CCNL2: variants seen among roughly 807,000 people sequenced by gnomAD.
CCNL2 encodes cyclin L2.
In CCNL2, 28 loss-of-function variants were observed where a neutral mutation model predicts 59.1. The observed-to-expected ratio is 0.47, with a 90% CI of 0.35 to 0.65. The LOEUF (loss-of-function observed/expected upper bound fraction) is 0.65, where lower values mean the gene tolerates loss of function less well. Among genes scored for constraint, CCNL2 ranks in the 30% least tolerant of loss-of-function variants. The pLI, the probability that CCNL2 is intolerant of heterozygous loss-of-function variation, is 0.00. For synonymous variants in CCNL2, 342 were observed against 288.6 expected (o/e 1.19, Z -1.88); for missense variants, 714 against 717.4 (o/e 1.00, Z 0.05).
Position 1,399,141 on chromosome 1 carries a change from C to G in CCNL2, c.166G>C (p.Asp56His). Reference protein sequence around the residue: ...LITLENCLLPDDKLRFTPSMS... With the variant: ...LITLENCLLPHDKLRFTPSMS... The stretch of plus-strand genomic sequence containing the variant: ...GACGGCGTGAAACGGAGCTTGTCGT[C>G]AGGCAGGAGGCAGTTCTCCAAGGTG... Residue 56 changes from aspartate (D) to histidine (H), a missense_variant, in exon 1 of 11, where the codon GAC becomes CAC. Asp to His is a moderately conservative substitution (Grantham distance 81). Coordinates refer to ENST00000400809, the MANE Select transcript of CCNL2 (RefSeq NM_030937.6). 6.2e-7 allele frequency: 1 copy of G among 1,612,350 alleles called. No homozygotes were observed. Among genetic ancestry groups the G allele is most frequent in the Non-Finnish European group, 8.5e-7 (1 of 1,179,546 alleles).
At chr1:1,390,930 T>C (rs1644731335) in intron 5 of CCNL2, 65 bp from the exon 6 acceptor site, 2 of 1,336,030 alleles carry the variant, frequency 1.5e-6, no homozygotes, top group South Asian at 1.2e-5. Flanking sequence ...CCGCCTGCAT[T>C]ATCTAGAGAA....
Position 1,390,825 on chromosome 1 carries a change from G to T in CCNL2, c.700C>A (p.Arg234=). The T allele has an allele frequency of 6.2e-7, 1 of 1,614,122 alleles. No homozygotes were observed. Among genetic ancestry groups the T allele is most frequent in the South Asian group, 1.1e-5 (1 of 91,082 alleles). The change falls in exon 6 of 11, where the codon CGG becomes AGG. Residue 234 remains arginine (R), a synonymous_variant. Transcript: ENST00000400809. The stretch of plus-strand genomic sequence containing the variant: ...CAGGCGATGCTCTCTGGCTGGAACC[G>T]CACGAAGACGTCGGTGCGAAGGCTG... The part of the protein sequence containing the change: ...NDSLRTDVFV[R]FQPESIACAC...
rs762494947 is a variant in CCNL2 at position 1,390,298 on chromosome 1, C to T, written c.938G>A (p.Arg313Gln). ...HAIEEAKAQA[R>Q]GLLPGGTQVL... ...CTGTGTGCCCCCAGGCAACAGGCCC[C>T]GGGCTTGGGCCTTTGCCTCTTCGAT... Residue 313 changes from arginine to glutamine, a missense_variant, in exon 8 of 11, where the codon CGG (arginine) becomes CAG (glutamine). By Grantham distance (43) the Arg-to-Gln change is conservative. This residue lies in a region of CCNL2 where 403 missense variants were observed against 377.7 expected (regional missense o/e 1.07). Transcript: ENST00000400809. 23 of 1,613,750 alleles carry T rather than the reference C, an allele frequency of 1.4e-5. No individual in the cohort carries two copies. Among genetic ancestry groups the T allele is most frequent in the African/African-American group, 9.3e-5 (7 of 74,886 alleles).
intron 4 of CCNL2, among the ~76,000 whole-genome samples, chr1:1,394,700 A>G (rs1380801965): frequency 6.8e-6 from 1 of 148,098 alleles, no homozygotes; most frequent in African/African-American, 2.5e-5. Flanking sequence ...CAGTGAGCCA[A>G]GATTGCACCA....
In CCNL2 at chr1:1,388,056, G is replaced by C; in HGVS notation, c.1016C>G (p.Pro339Arg). The C allele has an allele frequency of 3.1e-6, 5 of 1,613,064 alleles. No individual in the cohort carries two copies. Among genetic ancestry groups the C allele is most frequent in the Non-Finnish European group, 4.2e-6 (5 of 1,179,304 alleles). The change falls in exon 9 of 11, where the codon CCC becomes CGC. Residue 339 changes from proline to arginine, a missense_variant. Around this residue, in one of 5 missense-constraint regions of CCNL2, gnomAD observed 403 missense variants for 377.7 expected, o/e 1.07. Transcript: ENST00000400809. Reference sequence around the variant, plus strand: ...AGGCTTGCTCCCTTTACCTTCTTTGGGGGATTCCACTAGAATCAGAACAAG... The same window carrying C: ...AGGCTTGCTCCCTTTACCTTCTTTGCGGGATTCCACTAGAATCAGAACAAG... ...FSPAPKLVES[P>R]KEGKGSKPSP... is the part of the protein sequence containing the mutation.
At chr1:1,396,775 G>A (rs1645056723) in intron 3 of CCNL2, among the ~76,000 whole-genome samples, 1 of 146,574 alleles carries the variant, frequency 6.8e-6, no homozygotes, top group Non-Finnish European at 1.5e-5. Context: ...TTGAGACGGA[G>A]TCTTGCTCTG....
chr1:1,397,492 G>A (rs535034770), intron 3 of CCNL2, among the ~76,000 whole-genome samples: 6 of 152,148 alleles, frequency 3.9e-5, no homozygotes, highest in African/African-American at 1.4e-4. Flanking sequence ...TCTAAGGTGG[G>A]GTACTCCTGT....
At chr1:1,390,664 G>A in intron 6 of CCNL2, 101 bp from the exon 7 acceptor site, 3 of 1,473,046 alleles carry the variant, frequency 2.0e-6, no homozygotes, top group Non-Finnish European at 2.8e-6. Flanking sequence ...AAAATGCTTT[G>A]GCCCAGATTA....
intron 4 of CCNL2, 86 bp downstream of exon 4, chr1:1,395,308 G>A: frequency 3.3e-6 from 5 of 1,497,176 alleles, no homozygotes; most frequent in Non-Finnish European, 3.7e-6. Context: ...CCTCTTCAGA[G>A]CCTTCAACTG....
At chr1:1,388,845 G>T (rs572900532) in intron 8 of CCNL2, 2 of 383,240 alleles carry the variant, frequency 5.2e-6, no homozygotes, top group Admixed American at 8.0e-5. Context: ...GGAGGCCAAG[G>T]CGGGCAGATC....
At chr1:1,392,734 C>G in intron 5 of CCNL2, 2 of 1,601,358 alleles carry the variant, frequency 1.2e-6, no homozygotes, top group Non-Finnish European at 1.7e-6. Flanking sequence ...GCTGAAGATG[C>G]CGCTGTCCCT....
rs183331260 is a variant in CCNL2 at position 1,395,470 on chromosome 1, T to C, written c.518A>G (p.Lys173Arg). 1 of 1,614,162 alleles carries C rather than the reference T, an allele frequency of 6.2e-7. No homozygotes were observed. The highest frequency in any genetic ancestry group is 2.2e-5 in the East Asian group (1 of 44,886). The change falls in exon 4 of 11, where the codon AAG becomes AGG. Residue 173 changes from lysine (K) to arginine (R), a missense_variant. Lys to Arg is a conservative substitution (Grantham distance 26). This residue lies in a region of CCNL2 where 270 missense variants were observed against 254.9 expected (regional missense o/e 1.06). Transcript: ENST00000400809. ...TCTTTCCGCCTTTATAATTTGGTTCTTTAAATTAACATAATCTTGATCCAG... is the reference window on the plus strand; with the variant it reads ...TCTTTCCGCCTTTATAATTTGGTTCCTTAAATTAACATAATCTTGATCCAG... ...LLLDQDYVNL[K>R]NQIIKAERRV...
intron 1 of CCNL2, 104 bp downstream of exon 1, chr1:1,398,915 G>T: frequency 1.4e-6 from 2 of 1,448,666 alleles, no homozygotes; most frequent in East Asian, 2.5e-5. Context: ...CAGGGGCTGG[G>T]GTCGGGGTCT....
chr1:1,393,278 G>A (rs563528441), intron 5 of CCNL2, 118 bp downstream of exon 5: 15 of 812,302 alleles, frequency 1.8e-5, no homozygotes, highest in East Asian at 9.9e-5. Context: ...CTGGGCACTC[G>A]GACAACTCCA....
At chr1:1,392,170 AAC>A in intron 5 of CCNL2, 1 of 369,980 alleles carries the variant, frequency 2.7e-6, no homozygotes, top group East Asian at 1.6e-4. Flanking sequence ...GCACAGCTCT[AAC>A]ACAGATACAT....
chr1:1,386,489 C>T lies in CCNL2; in HGVS notation c.*742G>A, dbSNP rs574253925. ...ACCACCTACCACGTCCATAACGCTC[C>T]GGATGTCCTGAGTGGAGAGAGTTGT... is the stretch of plus-strand genomic sequence containing the variant. On this transcript the variant is annotated 3_prime_UTR_variant, in exon 11 of 11. Coordinates refer to ENST00000400809, the MANE Select transcript of CCNL2 (RefSeq NM_030937.6). 3.3e-5 allele frequency: 5 copies of T among 152,754 alleles called. No homozygotes were observed. The South Asian group carries it at 6.2e-4, about 19-fold the overall frequency. The allele number at this position is 152,754 out of a possible 1,614,324, so 9.5% of individuals were successfully genotyped here.
intron 3 of CCNL2, among the ~76,000 whole-genome samples, chr1:1,398,000 C>T (rs934667897): frequency 1.3e-5 from 2 of 152,188 alleles, no homozygotes; most frequent in African/African-American, 2.4e-5. Context: ...GAAGCCAGCC[C>T]CAGCGCGACC....
At chr1:1,390,209 C>T (rs1239773973) in intron 8 of CCNL2, 21 bp downstream of exon 8, 3 of 1,588,854 alleles carry the variant, frequency 1.9e-6, no homozygotes, top group Non-Finnish European at 2.6e-6. Flanking sequence ...GGAGTGGATT[C>T]CTGCACTCTA....
intron 5 of CCNL2, 119 bp downstream of exon 5, chr1:1,393,277 C>T (rs1644845188): frequency 1.2e-5 from 10 of 805,382 alleles, no homozygotes; most frequent in South Asian, 6.0e-5. Context: ...ACTGGGCACT[C>T]GGACAACTCC....
Sources: gnomAD v4.1 joint callset for allele counts (sites outside exome capture counted in the v4.1 genomes callset) on GRCh38, gnomAD v4.1.1 for gene constraint, gnomAD v4.1.1 regional missense constraint, MANE v1.5 for transcripts, NCBI Gene and HGNC (gene_info 2026-07-23, HGNC 2026-07-21) for gene names.